PAK1IP1: variants seen among roughly 807,000 people sequenced by gnomAD.
PAK1IP1 encodes the protein p21-activated protein kinase-interacting protein 1.
A neutral mutation model predicts 42.0 loss-of-function variants in PAK1IP1; 24 were observed. The ratio of observed to expected loss-of-function variants is 0.57; its 90% CI spans 0.41 to 0.80. The LOEUF (loss-of-function observed/expected upper bound fraction) is 0.80. Ranked by LOEUF, PAK1IP1 falls within the 30% of genes least tolerant of loss-of-function variation. PAK1IP1 has a pLI of 0.00. For synonymous variants in PAK1IP1, 154 were observed against 156.7 expected (o/e 0.98, Z 0.13); for missense variants, 411 against 467.9 (o/e 0.88, Z 1.12).
In PAK1IP1 at chr6:10,695,044, AGCCCGAG is replaced by A; in HGVS notation, c.62_68del (p.Pro21LeufsTer26). 1 of 1,601,576 alleles carries A rather than the reference AGCCCGAG, an allele frequency of 6.2e-7. No homozygotes were observed. The highest frequency in any genetic ancestry group is 8.5e-7 in the Non-Finnish European group (1 of 1,179,038). On this transcript the variant is annotated frameshift_variant, in exon 1 of 10. Transcript: ENST00000379568. LOFTEE classifies it high-confidence loss of function. Reference sequence around the variant, plus strand: ...CTCTTTGGGTTCGCTGTACACCCGGAGCCCGAGGCTTGCGGCGACCACGAGGTGAGAT... The same window carrying A: ...CTCTTTGGGTTCGCTGTACACCCGGAGCTTGCGGCGACCACGAGGTGAGAT...
At chr6:10,703,837 A>G (rs931927054) in intron 5 of PAK1IP1, among the ~76,000 whole-genome samples, 1 of 152,222 alleles carries the variant, frequency 6.6e-6, no homozygotes, top group Non-Finnish European at 1.5e-5. Flanking sequence ...TTAATGGAAT[A>G]TGAATATAGA....
chr6:10,690,906 G>A (rs955835369), upstream of PAK1IP1, among the ~76,000 whole-genome samples: 5 of 152,228 alleles, frequency 3.3e-5, no homozygotes, highest in Middle Eastern at 3.4e-3. Context: ...CAGTTAAACA[G>A]GTATATAATT....
chr6:10,699,200 CAAAAAAAAA>C lies in PAK1IP1; in HGVS notation c.247+1728_247+1736del, dbSNP rs796680429. The stretch of plus-strand genomic sequence containing the variant: ...TAGGCGACAGAGCGAGACTCTGTCT[CAAAAAAAAA>C]AAAAAAAAAAAAAGAGGAAAAGAAA... On this transcript the variant is annotated intron_variant, in intron 2 of 9. Transcript: ENST00000379568. Among the ~76,000 whole-genome samples, 128 of 55,390 alleles carry C rather than the reference CAAAAAAAAA, an allele frequency of 2.3e-3. 1 individual carries two copies. The highest frequency in any genetic ancestry group is 8.9e-3 in the Middle Eastern group (1 of 112). 36.3% of individuals were successfully genotyped at this position (55,390 alleles called of 152,430 possible). A position where few individuals can be genotyped will look rare whatever the true frequency, so the allele number is the denominator to read the frequency against.
chr6:10,703,333 T>G, intron 4 of PAK1IP1, 72 bp from the exon 5 acceptor site: 1 of 1,107,792 alleles, frequency 9.0e-7, no homozygotes, highest in Non-Finnish European at 1.4e-6. Context: ...TAAGTCTTCA[T>G]TATGCTTGTT....
chr6:10,707,082 T>C (rs926368691), intron 7 of PAK1IP1, among the ~76,000 whole-genome samples: 1 of 152,136 alleles, frequency 6.6e-6, no homozygotes, highest in Non-Finnish European at 1.5e-5. Flanking sequence ...TTGTCTTTTC[T>C]CTCCTTACTG....
At position 10,702,654 on chromosome 6, in the gene PAK1IP1, C is replaced by A; in HGVS notation, c.443+15C>A. The A allele has an allele frequency of 6.4e-6, 10 of 1,560,726 alleles. No homozygotes were observed. The highest frequency in any genetic ancestry group is 8.8e-6 in the Non-Finnish European group (10 of 1,131,514). On this transcript the variant is annotated intron_variant, in intron 4 of 9. Transcript: ENST00000379568. ...AAAACTTTAAGGTAAGTCATTAATG[C>A]TCAAGAGCATTTATCTAAGGTGTGT...
chr6:10,700,459 A>C (rs139959148), intron 2 of PAK1IP1, among the ~76,000 whole-genome samples: 49 of 152,322 alleles, frequency 3.2e-4, no homozygotes, highest in Non-Finnish European at 5.6e-4. Flanking sequence ...CTCACCTCTT[A>C]AACTATCACA....
chr6:10,702,290 C>A, intron 2 of PAK1IP1, 79 bp from the exon 3 acceptor site: 1 of 1,194,588 alleles, frequency 8.4e-7, no homozygotes, highest in Non-Finnish European at 1.2e-6. Flanking sequence ...TTTTACTTAG[C>A]ATAGCATAGC....
rs1189481622 is a variant in PAK1IP1 at position 10,694,992 on chromosome 6, C to G, written c.7C>G (p.Leu3Val). The G allele has an allele frequency of 6.3e-7, 1 of 1,596,794 alleles. No homozygotes were observed. The highest frequency in any genetic ancestry group is 8.5e-7 in the Non-Finnish European group (1 of 1,178,678). The change falls in exon 1 of 10, where the codon CTG becomes GTG. Residue 3 changes from leucine (L) to valine (V), a missense_variant. By Grantham distance (32) the Leu-to-Val change is conservative. Transcript: ENST00000379568. ME[L>V]VAGCYEQVLF... ...GAGGCACGTGCGCTGCTGAATGGAGCTGGTCGCTGGTTGCTACGAGCAGGT... is the reference window on the plus strand; with the variant it reads ...GAGGCACGTGCGCTGCTGAATGGAGGTGGTCGCTGGTTGCTACGAGCAGGT...
chr6:10,701,665 T>C (rs542640398), intron 2 of PAK1IP1, among the ~76,000 whole-genome samples: 2 of 152,252 alleles, frequency 1.3e-5, no homozygotes, highest in South Asian at 4.1e-4. Context: ...TTGTGGCTGA[T>C]TGGGTAGCTA....
At chr6:10,693,898 T>C (rs1769588434), upstream of PAK1IP1, among the ~76,000 whole-genome samples, 1 of 152,046 alleles carries the variant, frequency 6.6e-6, no homozygotes, top group Non-Finnish European at 1.5e-5. Context: ...TGGGCTAATT[T>C]ATAACATTTT....
In PAK1IP1 at chr6:10,708,974, T is replaced by A. The variant is rs1371940259; in HGVS notation, c.862T>A (p.Cys288Ser). The A allele has an allele frequency of 3.7e-6, 6 of 1,611,274 alleles. No homozygotes were observed. The highest frequency in any genetic ancestry group is 5.1e-6 in the Non-Finnish European group (6 of 1,178,058). Residue 288 changes from cysteine to serine, a missense_variant, in exon 9 of 10, where the codon TGT becomes AGT. Transcript: ENST00000379568. ...TTAGAAAGTTCCCCCATCTTTACTC[T>A]GTGAAATAAACACTAATGCCAGGCT... ...QDKKVPPSLL[C>S]EINTNARLTC... is the part of the protein sequence containing the mutation.
chr6:10,704,726 A>T, intron 6 of PAK1IP1, 21 bp from the exon 7 acceptor site: 2 of 1,601,040 alleles, frequency 1.2e-6, no homozygotes, highest in Non-Finnish European at 1.7e-6. Context: ...GGATGTTATT[A>T]CTCTTTTTCC....
upstream of PAK1IP1, chr6:10,694,603 A>T: frequency 1.8e-4 from 32 of 179,074 alleles, no homozygotes; most frequent in South Asian, 9.0e-4. Flanking sequence ...CCCCTAAGCA[A>T]CCGGCCGGAA....
Position 10,708,980 on chromosome 6 carries a change from A to G in PAK1IP1, c.868A>G (p.Ile290Val), listed in dbSNP as rs1770294734. ...AGTTCCCCCATCTTTACTCTGTGAA[A>G]TAAACACTAATGCCAGGCTGACGTG... ...KKVPPSLLCE[I>V]NTNARLTCLG... The change falls in exon 9 of 10, where the codon ATA becomes GTA. Residue 290 changes from isoleucine to valine, a missense_variant. Transcript: ENST00000379568. The G allele has an allele frequency of 6.2e-7, 1 of 1,611,992 alleles. No individual in the cohort carries two copies. The highest frequency in any genetic ancestry group is 1.1e-5 in the South Asian group (1 of 90,910).
intron 2 of PAK1IP1, among the ~76,000 whole-genome samples, chr6:10,699,989 A>G (rs1340295582): frequency 6.6e-6 from 1 of 151,582 alleles, no homozygotes; most frequent in African/African-American, 2.4e-5. Flanking sequence ...TCCCTGCACA[A>G]TTCTGTAAGG....
intron 7 of PAK1IP1, among the ~76,000 whole-genome samples, chr6:10,705,858 T>G (rs748243781): frequency 1.1e-4 from 16 of 152,218 alleles, no homozygotes; most frequent in African/African-American, 3.1e-4. Context: ...AAATCCATAC[T>G]TAGAGTACTG....
chr6:10,691,676 T>G (rs73439091), upstream of PAK1IP1, among the ~76,000 whole-genome samples: 8,680 of 152,062 alleles, frequency 0.057, 798 homozygotes, highest in African/African-American at 0.19. Flanking sequence ...CCTAATGCTC[T>G]CCTCCAAAAA....
At chr6:10,692,453 CT>C (rs56896858), upstream of PAK1IP1, among the ~76,000 whole-genome samples, 12 of 151,362 alleles carry the variant, frequency 7.9e-5, no homozygotes, top group African/African-American at 2.9e-4. Context: ...GAAAGAATGA[CT>C]TTTTTTTTGA....
Sources: gnomAD v4.1 joint callset for allele counts (sites outside exome capture counted in the v4.1 genomes callset) on GRCh38, gnomAD v4.1.1 for gene constraint, MANE v1.5 for transcripts, NCBI Gene and HGNC (gene_info 2026-07-23, HGNC 2026-07-21) for gene names.